Variants in ERBB4 observed in about 807,000 individuals in gnomAD.
ERBB4 encodes the protein receptor tyrosine-protein kinase erbB-4.
A neutral mutation model predicts 158.0 loss-of-function variants in ERBB4; 42 were observed. The observed-to-expected ratio is 0.27, with a 90% CI of 0.21 to 0.34. ERBB4 has a LOEUF of 0.34. Among genes scored for constraint, ERBB4 ranks in the 10% least tolerant of loss-of-function variants. The pLI, the probability that ERBB4 is intolerant of heterozygous loss-of-function variation, is 1.00. For missense variants in ERBB4, 1,333 were observed against 1,624.1 expected, an observed-to-expected ratio of 0.82 and a Z score of 3.08; for synonymous variants, 583 against 558.7, an observed-to-expected ratio of 1.04 and a Z score of -0.61.
chr2:212,005,857 G>A (rs1034069628), intron 2 of ERBB4, among the ~76,000 whole-genome samples: 4 of 152,066 alleles, frequency 2.6e-5, no homozygotes, highest in African/African-American at 7.2e-5. Flanking sequence ...AGTCCAAGGC[G>A]GGAGATTGTT....
chr2:212,436,519 A>G (rs542952843), intron 1 of ERBB4, among the ~76,000 whole-genome samples: 3 of 152,214 alleles, frequency 2.0e-5, no homozygotes, highest in South Asian at 2.1e-4. Flanking sequence ...AATATTTACT[A>G]AGTAGCTATG....
chr2:211,969,930 C>G (rs112440649), intron 2 of ERBB4, among the ~76,000 whole-genome samples: 1 of 151,894 alleles, frequency 6.6e-6, no homozygotes, highest in Non-Finnish European at 1.5e-5. Context: ...CTTCTGCTAG[C>G]TTTGGGATTT....
intron 1 of ERBB4, among the ~76,000 whole-genome samples, chr2:212,507,368 AAC>A (rs1691251742): frequency 6.6e-6 from 1 of 152,214 alleles, no homozygotes; most frequent in Non-Finnish European, 1.5e-5. Context: ...ATCAAGAAGT[AAC>A]TTTAACTTTC....
intron 1 of ERBB4, among the ~76,000 whole-genome samples, chr2:212,168,165 G>C (rs77170258): frequency 2.6e-5 from 4 of 151,718 alleles, no homozygotes. Context: ...TACTTAAGCA[G>C]CAGCCACTTA....
At chr2:211,541,866 G>A (rs772771610) in intron 20 of ERBB4, among the ~76,000 whole-genome samples, 2 of 151,978 alleles carry the variant, frequency 1.3e-5, no homozygotes, top group African/African-American at 2.4e-5. Context: ...TAACTGTCAC[G>A]TGAGTTTCAT....
intron 3 of ERBB4, among the ~76,000 whole-genome samples, chr2:211,862,345 C>G (rs1302829172): frequency 6.6e-6 from 1 of 151,974 alleles, no homozygotes; most frequent in Non-Finnish European, 1.5e-5. Flanking sequence ...TGTTTCTTAT[C>G]AGCAGAAAAT....
intron 3 of ERBB4, among the ~76,000 whole-genome samples, chr2:211,909,601 G>T (rs910814041): frequency 2.0e-5 from 3 of 151,702 alleles, no homozygotes; most frequent in Non-Finnish European, 4.4e-5. Context: ...GTAAAATATG[G>T]TATAAAAGGT....
intron 2 of ERBB4, among the ~76,000 whole-genome samples, chr2:212,114,710 TAG>T (rs1347558239): frequency 1.3e-5 from 2 of 152,192 alleles, no homozygotes; most frequent in Admixed American, 6.5e-5. Flanking sequence ...ACAAACTATG[TAG>T]AGTCTTTGTA....
At chr2:211,993,552 CTTT>C (rs1044157410) in intron 2 of ERBB4, among the ~76,000 whole-genome samples, 4 of 151,504 alleles carry the variant, frequency 2.6e-5, no homozygotes, top group Non-Finnish European at 4.4e-5. Context: ...CCCCAGATTT[CTTT>C]AAGAGACTTC....
At chr2:212,042,094 AAAG>A (rs2077155501) in intron 2 of ERBB4, among the ~76,000 whole-genome samples, 1 of 152,084 alleles carries the variant, frequency 6.6e-6, no homozygotes, top group African/African-American at 2.4e-5. Flanking sequence ...CACCCAAAAC[AAAG>A]AAGCTCATAA....
At chr2:212,386,673 T>A (rs1385967816) in intron 1 of ERBB4, among the ~76,000 whole-genome samples, 2 of 152,000 alleles carry the variant, frequency 1.3e-5, no homozygotes, top group Non-Finnish European at 2.9e-5. Context: ...ACACTTTATC[T>A]TGTACCATTC....
chr2:212,214,643 C>T (rs1353856100), intron 1 of ERBB4, among the ~76,000 whole-genome samples: 1 of 149,006 alleles, frequency 6.7e-6, no homozygotes, highest in Admixed American at 6.7e-5. Flanking sequence ...AATTTCCATA[C>T]ATTGCTGATG....
intron 1 of ERBB4, among the ~76,000 whole-genome samples, chr2:212,160,164 T>C (rs569978861): frequency 6.6e-6 from 1 of 151,984 alleles, no homozygotes; most frequent in Non-Finnish European, 1.5e-5. Context: ...GAACTTTGGG[T>C]TCAACTTACG....
intron 1 of ERBB4, among the ~76,000 whole-genome samples, chr2:212,127,267 G>A (rs1034129249): frequency 6.6e-5 from 10 of 152,314 alleles, no homozygotes; most frequent in Admixed American, 1.3e-4. Flanking sequence ...CATTGAATGT[G>A]GCCCAACACA....
intron 3 of ERBB4, among the ~76,000 whole-genome samples, chr2:211,789,389 C>T (rs2106321376): frequency 6.6e-6 from 1 of 152,266 alleles, no homozygotes; most frequent in African/African-American, 2.4e-5. Flanking sequence ...CAGTTTTATT[C>T]ATTTCAGGCA....
chr2:212,475,589 C>T (rs192877153), intron 1 of ERBB4, among the ~76,000 whole-genome samples: 1 of 152,132 alleles, frequency 6.6e-6, no homozygotes, highest in African/African-American at 2.4e-5. Context: ...TAAGAATATG[C>T]TATTATTACC....
chr2:212,116,530 C>T (rs999529990), intron 2 of ERBB4, among the ~76,000 whole-genome samples: 2 of 152,196 alleles, frequency 1.3e-5, no homozygotes, highest in African/African-American at 4.8e-5. Context: ...TCTCTGCAGC[C>T]TCCAACTCTT....
intron 20 of ERBB4, among the ~76,000 whole-genome samples, chr2:211,531,960 A>C (rs1413176821): frequency 6.6e-6 from 1 of 152,076 alleles, no homozygotes; most frequent in African/African-American, 2.4e-5. Context: ...ATATTCAGCC[A>C]TAAAAAATGA....
chr2:211,388,563 A>AT (rs553852448), intron 25 of ERBB4, among the ~76,000 whole-genome samples: 303 of 149,532 alleles, frequency 2.0e-3, no homozygotes, highest in Admixed American at 3.4e-3. Context: ...TCAGTCTCAC[A>AT]TTTTTTTTGT....
Sources: allele counts gnomAD v4.1 joint callset (sites outside exome capture counted in the v4.1 genomes callset), GRCh38; gene constraint gnomAD v4.1.1; transcripts MANE v1.5; gene names NCBI Gene and HGNC (gene_info 2026-07-23, HGNC 2026-07-21).